QRICH2: variants seen among roughly 807,000 people sequenced by gnomAD.
QRICH2 encodes the protein glutamine rich 2, also known as glutamine-rich protein 2.
In QRICH2, 119 loss-of-function variants were observed where a neutral mutation model predicts 168.3. That is an observed-to-expected ratio of 0.71 (90% CI 0.61 to 0.82). The LOEUF is 0.82. QRICH2 is among the 40% of genes least tolerant of loss of function. The pLI, the probability that QRICH2 is intolerant of heterozygous loss-of-function variation, is 0.00. For missense variants in QRICH2, 2,241 were observed against 2,491.6 expected, an observed-to-expected ratio of 0.90 and a Z score of 2.14; for synonymous variants, 894 against 951.2, an observed-to-expected ratio of 0.94 and a Z score of 1.11.
chr17:76,310,752 G>A (rs1293854603), upstream of QRICH2: 1 of 151,324 alleles, frequency 6.6e-6, no homozygotes, highest in Non-Finnish European at 1.5e-5. Context: ...TTATAGGTGT[G>A]AGCCACCACA....
rs908686565 is a variant in QRICH2 at position 76,307,608 on chromosome 17, C to A, written c.391G>T (p.Val131Leu). 198 of 1,534,754 alleles carry A rather than the reference C, an allele frequency of 1.3e-4. No individual in the cohort carries two copies. Among genetic ancestry groups the A allele is most frequent in the Non-Finnish European group, 1.6e-4 (185 of 1,137,414 alleles). Residue 131 changes from valine (V) to leucine (L), a missense_variant, in exon 1 of 19, where the codon GTG becomes TTG. By Grantham distance (32) the Val-to-Leu change is conservative (BLOSUM62 1). Transcript: ENST00000680821. This position sits in a 1 kb window ranked among gnomAD's most constrained non-coding sequence, Gnocchi z 5.3. ...DGQVQGIATH[V>L]QHFSQASGLD... is the part of the protein sequence containing the mutation. Reference sequence around the variant, plus strand: ...CCGCTGGCCTGGGAGAAGTGCTGCACGTGCGTGGCGATGCCCTGCACCTGG... The same window carrying A: ...CCGCTGGCCTGGGAGAAGTGCTGCAAGTGCGTGGCGATGCCCTGCACCTGG...
Position 76,278,070 on chromosome 17 carries a change from A to G in QRICH2, c.5036T>C (p.Phe1679Ser), listed in dbSNP as rs926049976. 1 of 1,613,796 alleles carries G rather than the reference A, an allele frequency of 6.2e-7. No homozygotes were observed. The highest frequency in any genetic ancestry group is 1.3e-5 in the African/African-American group (1 of 74,936). The change falls in exon 15 of 19, where the codon TTC becomes TCC. Residue 1679 changes from phenylalanine to serine, a missense_variant. Phe to Ser is a radical substitution (Grantham distance 155, BLOSUM62 -2). Transcript: ENST00000680821. ...LMNIEKVQIH[F>S]GGSTKASSQI... The stretch of plus-strand genomic sequence containing the variant: ...GCTGCTGGCCTTGGTGGAGCCCCCG[A>G]AGTGGATCTGCACCTTCTCAATGTT...
rs1282021628 is a variant in QRICH2 at position 76,291,866 on chromosome 17, G to C, written c.2861C>G (p.Ser954Cys). 1.2e-6 allele frequency: 2 copies of C among 1,614,190 alleles called. No homozygotes were observed. The highest frequency in any genetic ancestry group is 2.7e-5 in the African/African-American group (2 of 75,040). ...PGAYLHDLSQ[S>C]GTYPRGLVQP... ...CACCAGACCACGTGGATATGTCCCA[G>C]ATTGAGATAAATCATGCAAATATGC... The change falls in exon 4 of 19, where the codon TCT becomes TGT. Residue 954 changes from serine to cysteine, a missense_variant. By Grantham distance (112) the Ser-to-Cys change is moderately radical. This residue lies in a region of QRICH2 where 2,047 missense variants were observed against 2,303.8 expected (regional missense o/e 0.89). Transcript: ENST00000680821.
At chr17:76,299,203 C>T (rs1453613177) in intron 3 of QRICH2, among the ~76,000 whole-genome samples, 1 of 152,088 alleles carries the variant, frequency 6.6e-6, no homozygotes, top group East Asian at 1.9e-4. Context: ...CTTAACTTCC[C>T]TTTTGGTCTT....
At chr17:76,290,257 AG>A (rs775998220) in intron 4 of QRICH2, among the ~76,000 whole-genome samples, 180 bp from the exon 5 acceptor site, 17 of 152,324 alleles carry the variant, frequency 1.1e-4, no homozygotes, top group Admixed American at 3.9e-4. Context: ...AGCTGTCCTT[AG>A]CCCATGAAAC....
Position 76,307,754 on chromosome 17 carries a change from C to G in QRICH2, c.245G>C (p.Gly82Ala). The change falls in exon 1 of 19, where the codon GGG becomes GCG. Residue 82 changes from glycine to alanine, a missense_variant. Around this residue, in one of 3 missense-constraint regions of QRICH2, gnomAD observed 2,047 missense variants for 2,303.8 expected, o/e 0.89. Coordinates refer to ENST00000680821, the MANE Select transcript of QRICH2 (RefSeq NM_001388453.1). This position sits in a 1 kb window ranked among gnomAD's most constrained non-coding sequence, Gnocchi z 5.3. ...HLPAPKEVPK[G>A]APREKRRGVG... ...GCCCCTGCGCTTCTCCCGGGGCGCC[C>G]CCTTGGGCACCTCCTTGGGCGCGGG... The G allele has an allele frequency of 7.3e-7, 1 of 1,378,296 alleles. No homozygotes were observed. Among genetic ancestry groups the G allele is most frequent in the Non-Finnish European group, 9.3e-7 (1 of 1,069,814 alleles). 85.4% of individuals were successfully genotyped at this position (1,378,296 alleles called of 1,614,324 possible). A position where few individuals can be genotyped will look rare whatever the true frequency, so the allele number is the denominator to read the frequency against.
At chr17:76,279,886 TA>T in intron 12 of QRICH2, 146 bp downstream of exon 12, 2 of 989,100 alleles carry the variant, frequency 2.0e-6, no homozygotes, top group Non-Finnish European at 2.9e-6. Flanking sequence ...TTTCAAGCTC[TA>T]AAATTCTGTC....
intron 18 of QRICH2, among the ~76,000 whole-genome samples, chr17:76,274,515 G>A (rs949611334): frequency 1.6e-4 from 25 of 152,190 alleles, no homozygotes; most frequent in African/African-American, 5.5e-4. Context: ...GCCAAGAGCT[G>A]CCTCTTTGGT....
chr17:76,307,654 C>G lies in QRICH2; in HGVS notation c.345G>C (p.Lys115Asn), dbSNP rs927155143. ...CCTGGCCGTCCACACGCTTGAGCTG[C>G]TTGCTCAGGTCCTCCACCTGGCCGC... ...DLGGQVEDLS[K>N]QLKRVDGQVQ... is the part of the protein sequence containing the mutation. The change falls in exon 1 of 19, where the codon AAG becomes AAC. Residue 115 changes from lysine (K) to asparagine (N), a missense_variant. By Grantham distance (94) the Lys-to-Asn change is moderately conservative. This residue lies in a region of QRICH2 where 2,047 missense variants were observed against 2,303.8 expected (regional missense o/e 0.89). Transcript: ENST00000680821. This position sits in a 1 kb window ranked among gnomAD's most constrained non-coding sequence, Gnocchi z 5.3. The G allele has an allele frequency of 2.7e-6, 4 of 1,475,942 alleles. No individual in the cohort carries two copies. The highest frequency in any genetic ancestry group is 3.6e-6 in the Non-Finnish European group (4 of 1,108,470). The allele number at this position is 1,475,942 out of a possible 1,614,324, so 91.4% of individuals were successfully genotyped here.
intron 3 of QRICH2, among the ~76,000 whole-genome samples, chr17:76,297,299 G>C (rs2070812691): frequency 6.6e-6 from 1 of 152,158 alleles, no homozygotes; most frequent in Non-Finnish European, 1.5e-5. Flanking sequence ...CTGAGTGCAG[G>C]AGTTCGGAAC....
At position 76,291,956 on chromosome 17, in the gene QRICH2, G is replaced by A. The variant is rs2071001616; in HGVS notation, c.2771C>T (p.Pro924Leu). 6.2e-7 allele frequency: 1 copy of A among 1,614,206 alleles called. No homozygotes were observed. ...PGIGQQGMVQ[P>L]QADPHGLVQP... Reference sequence around the variant, plus strand: ...TACCAGGCCATGTGGATCTGCCTGAGGTTGCACCATACCTTGCTGACCTAT... The same window carrying A: ...TACCAGGCCATGTGGATCTGCCTGAAGTTGCACCATACCTTGCTGACCTAT... Residue 924 changes from proline (P) to leucine (L), a missense_variant, in exon 4 of 19, where the codon CCT (proline) becomes CTT (leucine). Pro to Leu is a moderately conservative substitution (Grantham distance 98, BLOSUM62 -3). Around this residue, in one of 3 missense-constraint regions of QRICH2, gnomAD observed 2,047 missense variants for 2,303.8 expected, o/e 0.89. Transcript: ENST00000680821.
In QRICH2 at chr17:76,307,906, G is replaced by C. The variant is rs2071016307; in HGVS notation, c.93C>G (p.His31Gln). The C allele has an allele frequency of 8.0e-7, 1 of 1,249,216 alleles. No individual in the cohort carries two copies. The highest frequency in any genetic ancestry group is 1.5e-5 in the African/African-American group (1 of 64,522). 77.4% of individuals were successfully genotyped at this position (1,249,216 alleles called of 1,614,324 possible). Residue 31 changes from histidine (H) to glutamine (Q), a missense_variant, in exon 1 of 19, where the codon CAC becomes CAG. Physicochemically the swap from His to Gln is conservative, Grantham distance 24. Transcript: ENST00000680821. The surrounding 1 kb of genome is among the most constrained non-coding windows in gnomAD (Gnocchi z 5.3). Reference sequence around the variant, plus strand: ...TCTTGAGCATGGCCACGATGAGCGTGTGCAGGGCCGTGAAGTTGACGGCGC... The same window carrying C: ...TCTTGAGCATGGCCACGATGAGCGTCTGCAGGGCCGTGAAGTTGACGGCGC... Reference protein sequence around the residue: ...EVGAVNFTALHTLIVAMLKNL... With the variant: ...EVGAVNFTALQTLIVAMLKNL...
intron 7 of QRICH2, among the ~76,000 whole-genome samples, chr17:76,283,545 C>A (rs892169123): frequency 6.6e-6 from 1 of 152,222 alleles, no homozygotes; most frequent in Non-Finnish European, 1.5e-5. Flanking sequence ...GGGCACACCA[C>A]AGTTCCAGCA....
upstream of QRICH2, chr17:76,308,396 G>A (rs938256265): frequency 1.2e-4 from 122 of 985,240 alleles, no homozygotes; most frequent in East Asian, 4.5e-4. Context: ...CCTTGGCAAC[G>A]GGCTGAGGAG....
Position 76,308,036 on chromosome 17 carries a change from G to A in QRICH2, c.-38C>T, listed in dbSNP as rs561294225. On this transcript the variant is annotated 5_prime_UTR_variant, in exon 1 of 19. Coordinates refer to ENST00000680821, the MANE Select transcript of QRICH2 (RefSeq NM_001388453.1). ...GAGCTGTGCGCCGCCGCGGGGCGCCGGCCAACCACTTCCCGCTCACTGCAC... is the reference window on the plus strand; with the variant it reads ...GAGCTGTGCGCCGCCGCGGGGCGCCAGCCAACCACTTCCCGCTCACTGCAC... 2.0e-5 allele frequency: 25 copies of A among 1,231,488 alleles called. No individual in the cohort carries two copies. The East Asian group carries it at 6.6e-4, about 33-fold the overall frequency. The allele number at this position is 1,231,488 out of a possible 1,614,324, so 76.3% of individuals were successfully genotyped here.
chr17:76,297,882 T>TTTTTTTTTTG (rs2070826285), intron 3 of QRICH2, among the ~76,000 whole-genome samples: 3 of 140,466 alleles, frequency 2.1e-5, no homozygotes, highest in East Asian at 4.2e-4. Flanking sequence ...TTTTTTTTTT[T>TTTTTTTTTTG]TTTTTTTTTT....
rs375146731 is a variant in QRICH2, at chr17:76,290,108, G to A, written c.3713-31C>T. The A allele has an allele frequency of 1.5e-4, 225 of 1,540,202 alleles. 1 individual carries two copies. The South Asian group carries it at 2.1e-3, about 15-fold the overall frequency. ...GAAAGCAGAAGCCTTATGATCAGAG[G>A]GGTTAGATCTCTAGTGGGCTCCCAA... is the stretch of plus-strand genomic sequence containing the variant. On this transcript the variant is annotated intron_variant, in intron 4 of 18. Transcript: ENST00000680821.
intron 3 of QRICH2, among the ~76,000 whole-genome samples, chr17:76,294,366 G>A (rs999327088): frequency 7.2e-5 from 11 of 152,106 alleles, no homozygotes; most frequent in East Asian, 3.8e-4. Flanking sequence ...GGAGGTTGCC[G>A]TGAGATTGTG....
chr17:76,282,466 C>T (rs1288459596), intron 7 of QRICH2, among the ~76,000 whole-genome samples: 1 of 152,156 alleles, frequency 6.6e-6, no homozygotes, highest in African/African-American at 2.4e-5. Context: ...CACAGAGGAC[C>T]GTAATGACAC....
Sources: gnomAD v4.1 joint callset for allele counts (sites outside exome capture counted in the v4.1 genomes callset) on GRCh38, gnomAD v4.1.1 for gene constraint, gnomAD v4.1.1 regional missense constraint, Gnocchi (gnomAD v3.1) non-coding constraint, MANE v1.5 for transcripts, NCBI Gene and HGNC (gene_info 2026-07-23, HGNC 2026-07-21) for gene names.